PCLO: variants seen among roughly 807,000 people sequenced by gnomAD.
PCLO encodes protein piccolo.
PCLO carries 82 observed loss-of-function variants against 427.5 expected under a neutral mutation model. That is an observed-to-expected ratio of 0.19 (90% CI 0.16 to 0.23). The LOEUF is 0.23. Ranked by LOEUF, PCLO falls within the 10% of genes least tolerant of loss-of-function variation. The probability of loss-of-function intolerance (pLI) is 1.00; values close to 1 mark genes in which losing one functional copy is unlikely to be tolerated. For synonymous variants in PCLO, 2,357 were observed against 2,155.4 expected (o/e 1.09, Z -2.59); for missense variants, 6,239 against 6,115.9 (o/e 1.02, Z -0.67).
Position 83,156,128 on chromosome 7 carries a change from A to T in PCLO, c.513T>A (p.Asn171Lys). The T allele has an allele frequency of 6.2e-7, 1 of 1,613,820 alleles. No individual in the cohort carries two copies. Among genetic ancestry groups the T allele is most frequent in the Admixed American group, 1.7e-5 (1 of 59,996 alleles). Reference protein sequence around the residue: ...NALSAVSSVVNKFNPFDLISD... With the variant: ...NALSAVSSVVKKFNPFDLISD... ...ATATCAAATCAAAAGGGTTGAATTTATTTACAACAGAGGAAACAGCACTTA... is the reference window on the plus strand; with the variant it reads ...ATATCAAATCAAAAGGGTTGAATTTTTTTACAACAGAGGAAACAGCACTTA... Residue 171 changes from asparagine (N) to lysine (K), a missense_variant, in exon 2 of 25, where the codon AAT (asparagine) becomes AAA (lysine). Transcript: ENST00000333891.
chr7:82,848,785 T>G (rs895105794), intron 10 of PCLO: 1 of 236,684 alleles, frequency 4.2e-6, no homozygotes, highest in Non-Finnish European at 9.1e-6. Context: ...AAGGAAAAAC[T>G]TTTACACTAT....
chr7:82,901,827 G>T (rs1436808568), intron 9 of PCLO, among the ~76,000 whole-genome samples: 1 of 152,046 alleles, frequency 6.6e-6, no homozygotes. Flanking sequence ...ATGAAAAAAC[G>T]CTCATCATCA....
In PCLO at chr7:82,954,183, G is replaced by C. The variant is rs2116444876; in HGVS notation, c.6770C>G (p.Ala2257Gly). ...LDRTAPPDGR[A>G]SADHIVISLS... is the part of the protein sequence containing the mutation. ...GGAAATAACAATATGATCAGCACTA[G>C]CTCTACCATCTGGTGGGGCAGTCCG... Residue 2257 changes from alanine to glycine, a missense_variant, in exon 5 of 25, where the codon GCT (alanine) becomes GGT (glycine). This residue lies in a region of PCLO where 4,677 missense variants were observed against 4,468.4 expected (regional missense o/e 1.05). Coordinates refer to ENST00000333891, the MANE Select transcript of PCLO (RefSeq NM_033026.6). The C allele has an allele frequency of 1.5e-5, 24 of 1,613,464 alleles. No homozygotes were observed. Among genetic ancestry groups the C allele is most frequent in the Non-Finnish European group, 1.9e-5 (22 of 1,179,498 alleles).
intron 21 of PCLO, among the ~76,000 whole-genome samples, chr7:82,804,957 G>A (rs1206501917): frequency 6.6e-6 from 1 of 152,110 alleles, no homozygotes; most frequent in Non-Finnish European, 1.5e-5. Flanking sequence ...AAAAGGAAAA[G>A]TCAGGAAGTT....
chr7:82,823,664 A>C (rs1791855579), intron 19 of PCLO, among the ~76,000 whole-genome samples: 1 of 152,316 alleles, frequency 6.6e-6, no homozygotes, highest in South Asian at 2.1e-4. Context: ...AAAAAATAAT[A>C]ATAGTTATTA....
At chr7:82,930,130 A>G (rs184756725) in intron 6 of PCLO, among the ~76,000 whole-genome samples, 1 of 152,298 alleles carries the variant, frequency 6.6e-6, no homozygotes, top group East Asian at 1.9e-4. Flanking sequence ...TAAGGCATCT[A>G]GGAGACAACT....
At chr7:83,108,097 G>C (rs543846922) in intron 3 of PCLO, among the ~76,000 whole-genome samples, 1 of 151,806 alleles carries the variant, frequency 6.6e-6, no homozygotes, top group Non-Finnish European at 1.5e-5. Flanking sequence ...CCATTGATAG[G>C]TGGCCATAGA....
chr7:82,999,417 A>T (rs1348779737), intron 3 of PCLO, among the ~76,000 whole-genome samples: 1 of 21,086 alleles, frequency 4.7e-5, no homozygotes, highest in Non-Finnish European at 6.9e-5. Flanking sequence ...CCATTATATA[A>T]TATATTATAT....
intron 16 of PCLO, among the ~76,000 whole-genome samples, chr7:82,831,368 C>T (rs1195396326): frequency 1.3e-5 from 2 of 152,078 alleles, no homozygotes; most frequent in East Asian, 3.9e-4. Flanking sequence ...TTGCAGGCTT[C>T]ACTACCTGAA....
intron 13 of PCLO, 127 bp downstream of exon 13, chr7:82,845,144 G>C: frequency 1.5e-6 from 1 of 685,740 alleles, no homozygotes; most frequent in Non-Finnish European, 2.5e-6. Flanking sequence ...TTCTTGTTTT[G>C]ATAGATCATC....
intron 3 of PCLO, among the ~76,000 whole-genome samples, chr7:83,033,063 C>T (rs569910245): frequency 6.6e-6 from 1 of 152,232 alleles, no homozygotes; most frequent in African/African-American, 2.4e-5. Context: ...CACCCTCTCT[C>T]TCTCCTACCA....
chr7:82,945,352 G>A (rs989975123), intron 6 of PCLO, among the ~76,000 whole-genome samples: 1 of 152,080 alleles, frequency 6.6e-6, no homozygotes, highest in African/African-American at 2.4e-5. Context: ...CAAACAAAAA[G>A]TACAATATAG....
rs779974489 is a variant in PCLO at position 83,154,980 on chromosome 7, G to C, written c.1661C>G (p.Ser554Cys). 6 of 1,613,946 alleles carry C rather than the reference G, an allele frequency of 3.7e-6. No individual in the cohort carries two copies. In the Admixed American group the frequency reaches 5.0e-5, roughly 13 times the overall value. The change falls in exon 2 of 25, where the codon TCT becomes TGT. Residue 554 changes from serine to cysteine, a missense_variant. Ser to Cys is a moderately radical substitution (Grantham distance 112). Coordinates refer to ENST00000333891, the MANE Select transcript of PCLO (RefSeq NM_033026.6). ...TCCTGTTTGGCTTACTGGTTTTGTA[G>C]ATTGCTGAGCCGAGGGCTTTGCTGG... ...PSPAKPSAQQ[S>C]TKPVSQTGSG...
intron 13 of PCLO, among the ~76,000 whole-genome samples, chr7:82,844,473 T>A (rs2115800398): frequency 6.6e-6 from 1 of 152,276 alleles, no homozygotes; most frequent in South Asian, 2.1e-4. Flanking sequence ...TTTTTATAGT[T>A]AAAAAACAAA....
chr7:83,022,029 G>A (rs1446557957), intron 3 of PCLO, among the ~76,000 whole-genome samples: 1 of 152,156 alleles, frequency 6.6e-6, no homozygotes, highest in Non-Finnish European at 1.5e-5. Flanking sequence ...TCCAAAAATT[G>A]TATGCCAAAA....
chr7:82,811,096 T>C (rs1483827175), intron 20 of PCLO, among the ~76,000 whole-genome samples: 2 of 151,662 alleles, frequency 1.3e-5, no homozygotes, highest in Non-Finnish European at 3.0e-5. Context: ...AGGTAGCTTG[T>C]ACTTTCCCAA....
At chr7:83,003,710 T>C (rs566638537) in intron 3 of PCLO, among the ~76,000 whole-genome samples, 46 of 151,850 alleles carry the variant, frequency 3.0e-4, no homozygotes, top group Non-Finnish European at 5.2e-4. Flanking sequence ...AGTATGCTGC[T>C]TGATCCTTTT....
intron 3 of PCLO, among the ~76,000 whole-genome samples, chr7:82,993,420 T>C (rs1796422967): frequency 6.6e-6 from 1 of 151,992 alleles, no homozygotes; most frequent in Admixed American, 6.6e-5. Context: ...AGAGTAAGGC[T>C]TTGGCATTTT....
rs574360487 is a variant in PCLO, at chr7:82,889,768, G to T, written c.13529-10306C>A. 6.6e-5 allele frequency among the ~76,000 whole-genome samples: 10 copies of T among 152,158 alleles called. No homozygotes were observed. In the East Asian group the frequency reaches 1.9e-3, roughly 29 times the overall value. ...GTAAATAATTAAACGTCTGTACAATGTAATAAGAACCAGTCATTACATTTA... is the reference window on the plus strand; with the variant it reads ...GTAAATAATTAAACGTCTGTACAATTTAATAAGAACCAGTCATTACATTTA... On this transcript the variant is annotated intron_variant, in intron 9 of 24. Transcript: ENST00000333891.
Sources: allele counts gnomAD v4.1 joint callset (sites outside exome capture counted in the v4.1 genomes callset), GRCh38; gene constraint gnomAD v4.1.1; regional missense constraint gnomAD v4.1.1; transcripts MANE v1.5; gene names NCBI Gene and HGNC (gene_info 2026-07-23, HGNC 2026-07-21).